PLXDC2: variants seen among roughly 807,000 people sequenced by gnomAD.
PLXDC2 encodes the protein plexin domain-containing protein 2.
A neutral mutation model predicts 68.9 loss-of-function variants in PLXDC2; 40 were observed. That is an observed-to-expected ratio of 0.58 (90% CI 0.45 to 0.76). PLXDC2 has a LOEUF of 0.76. Ranked by LOEUF, PLXDC2 falls within the 30% of genes least tolerant of loss-of-function variation. The pLI, the probability that PLXDC2 is intolerant of heterozygous loss-of-function variation, is 0.00. For synonymous variants in PLXDC2, 243 were observed against 234.2 expected, an observed-to-expected ratio of 1.04 and a Z score of -0.34; for missense variants, 644 against 661.9, an observed-to-expected ratio of 0.97 and a Z score of 0.30.
chr10:20,078,676 C>T (rs1836494178), intron 4 of PLXDC2, among the ~76,000 whole-genome samples: 1 of 151,912 alleles, frequency 6.6e-6, no homozygotes, highest in Non-Finnish European at 1.5e-5. Context: ...CCCTAGTTTC[C>T]AAGTATTCAG....
At chr10:20,126,027 C>T (rs1833769730) in intron 4 of PLXDC2, among the ~76,000 whole-genome samples, 1 of 148,072 alleles carries the variant, frequency 6.8e-6, no homozygotes. Context: ...CATATATACA[C>T]ACATACATTT....
chr10:20,021,396 G>T (rs889977804), intron 2 of PLXDC2, among the ~76,000 whole-genome samples: 1 of 151,998 alleles, frequency 6.6e-6, no homozygotes, highest in Non-Finnish European at 1.5e-5. Flanking sequence ...CATGCATTAG[G>T]ATTTGTCCTA....
chr10:20,278,339 T>C (rs1836035952), intron 13 of PLXDC2, among the ~76,000 whole-genome samples: 1 of 152,104 alleles, frequency 6.6e-6, no homozygotes, highest in African/African-American at 2.4e-5. Flanking sequence ...CACTGCAACA[T>C]GTCATCTTTA....
intron 1 of PLXDC2, among the ~76,000 whole-genome samples, chr10:19,942,871 G>A (rs1435488563): frequency 3.9e-5 from 6 of 152,096 alleles, no homozygotes; most frequent in African/African-American, 9.7e-5. Context: ...ATATTATATC[G>A]TTTTATCCTT....
chr10:20,078,184 C>A (rs948868494), intron 4 of PLXDC2, among the ~76,000 whole-genome samples: 2 of 151,904 alleles, frequency 1.3e-5, no homozygotes, highest in Non-Finnish European at 2.9e-5. Context: ...TTGAGACCAG[C>A]CTGGAAAACA....
intron 1 of PLXDC2, among the ~76,000 whole-genome samples, chr10:19,846,940 A>G (rs1190316531): frequency 6.6e-6 from 1 of 152,176 alleles, no homozygotes; most frequent in Non-Finnish European, 1.5e-5. Flanking sequence ...CTTACACGGC[A>G]GCGGGCAAGA....
chr10:20,168,848 T>C (rs1173147875), intron 7 of PLXDC2, among the ~76,000 whole-genome samples: 2 of 152,214 alleles, frequency 1.3e-5, no homozygotes, highest in Non-Finnish European at 2.9e-5. Flanking sequence ...CTTAGAAATC[T>C]ACTACAGAGA....
At chr10:20,033,494 A>T (rs973893832) in intron 2 of PLXDC2, among the ~76,000 whole-genome samples, 2 of 152,206 alleles carry the variant, frequency 1.3e-5, no homozygotes, top group African/African-American at 4.8e-5. Context: ...AGACATACCC[A>T]AAACTGGGTA....
At chr10:20,271,190 T>C (rs1033716734) in intron 13 of PLXDC2, among the ~76,000 whole-genome samples, 3 of 148,640 alleles carry the variant, frequency 2.0e-5, no homozygotes, top group Non-Finnish European at 4.5e-5. Context: ...CAAGAAAATA[T>C]ACCATCCTAG....
chr10:20,277,208 CAAAAAAAAAAAAAA>C lies in PLXDC2; in HGVS notation c.1474-2482_1474-2469del, dbSNP rs60978653. The stretch of plus-strand genomic sequence containing the variant: ...TGGGTGACAGAGCGAGATTCCATCT[CAAAAAAAAAAAAAA>C]AAAAAAAAAAAAGAGTCCCATTCTT... On this transcript the variant is annotated intron_variant, in intron 13 of 13. Coordinates refer to ENST00000377252, the MANE Select transcript of PLXDC2 (RefSeq NM_032812.9). Among the ~76,000 whole-genome samples, 370 of 67,974 alleles carry C rather than the reference CAAAAAAAAAAAAAA, an allele frequency of 5.4e-3. 2 individuals are homozygous for C. The highest frequency in any genetic ancestry group is 0.02 in the Middle Eastern group (2 of 102). The allele number at this position is 67,974 out of a possible 152,430, so 44.6% of individuals were successfully genotyped here. A position where few individuals can be genotyped will look rare whatever the true frequency, so the allele number is the denominator to read the frequency against.
intron 12 of PLXDC2, among the ~76,000 whole-genome samples, chr10:20,229,264 A>C (rs1159849558): frequency 6.6e-6 from 1 of 152,060 alleles, no homozygotes; most frequent in African/African-American, 2.4e-5. Context: ...AGTAAGACAC[A>C]AGTAATATGG....
chr10:20,065,777 A>G (rs751097562), intron 3 of PLXDC2, among the ~76,000 whole-genome samples: 4 of 152,178 alleles, frequency 2.6e-5, no homozygotes, highest in Non-Finnish European at 4.4e-5. Flanking sequence ...ATGAGAATCT[A>G]ATGCTGCCAG....
chr10:19,891,961 C>G (rs548011510), intron 1 of PLXDC2, among the ~76,000 whole-genome samples: 2 of 152,256 alleles, frequency 1.3e-5, no homozygotes, highest in Non-Finnish European at 2.9e-5. Context: ...ATCATTCCCT[C>G]TTAATTTGCT....
intron 1 of PLXDC2, among the ~76,000 whole-genome samples, chr10:19,957,302 A>G (rs551210953): frequency 6.6e-6 from 1 of 152,256 alleles, no homozygotes; most frequent in African/African-American, 2.4e-5. Flanking sequence ...TCTATAAATG[A>G]TTTACTGTAA....
intron 1 of PLXDC2, among the ~76,000 whole-genome samples, chr10:19,886,447 C>T (rs1034056384): frequency 3.3e-5 from 5 of 152,126 alleles, no homozygotes; most frequent in African/African-American, 1.2e-4. Flanking sequence ...GGGCTTCATC[C>T]CTGGGATGCA....
chr10:19,899,726 T>C (rs1838126229), intron 1 of PLXDC2, among the ~76,000 whole-genome samples: 1 of 152,136 alleles, frequency 6.6e-6, no homozygotes. Flanking sequence ...TATGAAAAGA[T>C]GATAGGATAC....
At chr10:20,272,096 A>C (rs1486834737) in intron 13 of PLXDC2, among the ~76,000 whole-genome samples, 1 of 152,124 alleles carries the variant, frequency 6.6e-6, no homozygotes, top group African/African-American at 2.4e-5. Context: ...TCAGAGCAAG[A>C]GGGCTACAGG....
intron 1 of PLXDC2, among the ~76,000 whole-genome samples, chr10:19,929,313 C>T (rs1833590635): frequency 6.6e-6 from 1 of 152,088 alleles, no homozygotes; most frequent in Non-Finnish European, 1.5e-5. Context: ...ACCAGAGAGA[C>T]CCCTTGATTC....
chr10:19,837,085 G>T (rs1836807278), intron 1 of PLXDC2, among the ~76,000 whole-genome samples: 1 of 151,406 alleles, frequency 6.6e-6, no homozygotes, highest in African/African-American at 2.4e-5. Flanking sequence ...TCCAAGTATT[G>T]CTTGCGAGGT....
Sources: gnomAD v4.1 joint callset for allele counts (sites outside exome capture counted in the v4.1 genomes callset) on GRCh38, gnomAD v4.1.1 for gene constraint, MANE v1.5 for transcripts, NCBI Gene and HGNC (gene_info 2026-07-23, HGNC 2026-07-21) for gene names.